The following PDLIM5 variants were observed in gnomAD, a reference collection of about 807,000 sequenced individuals.
PDLIM5 encodes PDZ and LIM domain protein 5.
In PDLIM5, 34 loss-of-function variants were observed where a neutral mutation model predicts 64.2. That is an observed-to-expected ratio of 0.53 (90% CI 0.40 to 0.71). The LOEUF is 0.71. Ranked by LOEUF, PDLIM5 falls within the 30% of genes least tolerant of loss-of-function variation. The probability of loss-of-function intolerance (pLI) is 0.00; values close to 1 mark genes in which losing one functional copy is unlikely to be tolerated. For synonymous variants in PDLIM5, 253 were observed against 269.1 expected, an observed-to-expected ratio of 0.94 and a Z score of 0.59; for missense variants, 683 against 733.6, an observed-to-expected ratio of 0.93 and a Z score of 0.80.
intron 5 of PDLIM5, among the ~76,000 whole-genome samples, chr4:94,583,763 A>G (rs1275850318): frequency 6.6e-6 from 1 of 152,162 alleles, no homozygotes. Flanking sequence ...GTATATGCAG[A>G]TTATTCATAG....
chr4:94,568,454 A>C (rs1734526820), intron 3 of PDLIM5, among the ~76,000 whole-genome samples: 1 of 152,232 alleles, frequency 6.6e-6, no homozygotes, highest in Non-Finnish European at 1.5e-5. Context: ...TTTCCATAGT[A>C]ATAATGAATT....
intron 2 of PDLIM5, among the ~76,000 whole-genome samples, chr4:94,499,447 C>T (rs1452854309): frequency 6.6e-6 from 1 of 152,028 alleles, no homozygotes; most frequent in Non-Finnish European, 1.5e-5. Flanking sequence ...GCAGGTTCTG[C>T]ATCTGTGGAT....
chr4:94,518,080 A>G (rs1729519230), intron 2 of PDLIM5, among the ~76,000 whole-genome samples: 1 of 152,194 alleles, frequency 6.6e-6, no homozygotes, highest in Admixed American at 6.5e-5. Flanking sequence ...AGACAATTCT[A>G]AGACATTGGA....
chr4:94,646,057 G>GGAGT (rs1741388067), intron 9 of PDLIM5, among the ~76,000 whole-genome samples: 1 of 152,162 alleles, frequency 6.6e-6, no homozygotes, highest in African/African-American at 2.4e-5. Flanking sequence ...ATCTAATGCA[G>GGAGT]GAGTATAAGC....
At chr4:94,588,009 T>C in intron 7 of PDLIM5, 1 of 963,844 alleles carries the variant, frequency 1.0e-6, no homozygotes, top group South Asian at 4.8e-5. Context: ...GGAAGCTAAA[T>C]ATATGACCAG....
At chr4:94,572,192 G>A (rs1734862503) in intron 3 of PDLIM5, among the ~76,000 whole-genome samples, 1 of 152,094 alleles carries the variant, frequency 6.6e-6, no homozygotes, top group South Asian at 2.1e-4. Context: ...GTATTTACCT[G>A]CTATGCTTAC....
intron 2 of PDLIM5, among the ~76,000 whole-genome samples, chr4:94,503,547 T>C (rs577911548): frequency 5.2e-4 from 79 of 152,344 alleles, no homozygotes; most frequent in African/African-American, 1.9e-3. Flanking sequence ...GTCCAGTTCA[T>C]GTGTGAATTT....
chr4:94,616,837 T>TTA (rs1484351343), intron 7 of PDLIM5, among the ~76,000 whole-genome samples: 1 of 152,246 alleles, frequency 6.6e-6, no homozygotes, highest in African/African-American at 2.4e-5. Flanking sequence ...CTGTTTAGTG[T>TTA]CAGAGATGCC....
intron 8 of PDLIM5, among the ~76,000 whole-genome samples, chr4:94,637,002 A>C (rs1192499084): frequency 6.6e-6 from 1 of 152,136 alleles, no homozygotes; most frequent in Non-Finnish European, 1.5e-5. Context: ...CAGAATGGGA[A>C]AACTATGAGT....
rs540179286 is a variant in PDLIM5, at chr4:94,642,708, G to GTGGTCAGT, written c.1283+2260_1283+2267dup. Among the ~76,000 whole-genome samples, 617 of 152,288 alleles carry GTGGTCAGT rather than the reference G, an allele frequency of 4.1e-3. 4 individuals carry two copies. Among genetic ancestry groups the GTGGTCAGT allele is most frequent in the African/African-American group, 0.014 (586 of 41,558 alleles). On this transcript the variant is annotated intron_variant, in intron 9 of 12. Transcript: ENST00000317968. ...AATGCTTAAGCAGCTTGAATCGATT[G>GTGGTCAGT]TGGTCAGTTCAGAGGCCTAGTCAAA... is the stretch of plus-strand genomic sequence containing the variant.
At chr4:94,542,613 T>C (rs1015568246) in intron 3 of PDLIM5, among the ~76,000 whole-genome samples, 1 of 152,192 alleles carries the variant, frequency 6.6e-6, no homozygotes. Context: ...GAAGAAATTG[T>C]TGTGCTTCAA....
intron 4 of PDLIM5, 64 bp from the exon 5 acceptor site, chr4:94,575,552 C>T (rs952167489): frequency 8.9e-6 from 10 of 1,128,926 alleles, no homozygotes; most frequent in African/African-American, 3.1e-5. Flanking sequence ...GTGTTCTTTT[C>T]GGTGAAATAT....
chr4:94,532,957 C>T (rs1476600527), intron 3 of PDLIM5, among the ~76,000 whole-genome samples: 4 of 152,068 alleles, frequency 2.6e-5, no homozygotes, highest in Non-Finnish European at 4.4e-5. Flanking sequence ...GAGCTGAGAT[C>T]GCACCACTGC....
At chr4:94,623,270 A>G (rs561832596) in intron 8 of PDLIM5, among the ~76,000 whole-genome samples, 2 of 152,214 alleles carry the variant, frequency 1.3e-5, no homozygotes, top group Admixed American at 6.5e-5. Flanking sequence ...CTCCAGCTTC[A>G]TTTTATAACA....
intron 10 of PDLIM5, among the ~76,000 whole-genome samples, chr4:94,655,701 A>G (rs1477535761): frequency 1.3e-5 from 2 of 152,222 alleles, no homozygotes; most frequent in Non-Finnish European, 2.9e-5. Context: ...TAGTGTATCA[A>G]GGTATTCTAT....
intron 7 of PDLIM5, among the ~76,000 whole-genome samples, chr4:94,593,637 AC>A (rs1736845688): frequency 6.6e-6 from 1 of 151,978 alleles, no homozygotes; most frequent in African/African-American, 2.4e-5. Flanking sequence ...ACTTCATTTA[AC>A]CTTAATTACC....
intron 3 of PDLIM5, among the ~76,000 whole-genome samples, chr4:94,525,815 T>C (rs1163070782): frequency 6.6e-6 from 1 of 152,222 alleles, no homozygotes; most frequent in African/African-American, 2.4e-5. Flanking sequence ...TGAATTTTGA[T>C]AGGCTATTAG....
intron 7 of PDLIM5, chr4:94,607,993 TA>T: frequency 8.5e-7 from 1 of 1,171,260 alleles, no homozygotes; most frequent in Non-Finnish European, 1.2e-6. Context: ...GTATAGATGA[TA>T]AATGTCTTTT....
At chr4:94,546,832 C>CG (rs1275085607) in intron 3 of PDLIM5, among the ~76,000 whole-genome samples, 1 of 59,926 alleles carries the variant, frequency 1.7e-5, no homozygotes, top group Non-Finnish European at 4.8e-5. Flanking sequence ...TGACATTAGG[C>CG]CCCCCCCACC....
Sources: allele counts gnomAD v4.1 joint callset (sites outside exome capture counted in the v4.1 genomes callset), GRCh38; gene constraint gnomAD v4.1.1; transcripts MANE v1.5; gene names NCBI Gene and HGNC (gene_info 2026-07-23, HGNC 2026-07-21).